EYS: variants seen among roughly 807,000 people sequenced by gnomAD.
EYS encodes the protein EGF-like photoreceptor maintenance factor, also known as protein eyes shut homolog.
EYS carries 250 observed loss-of-function variants against 282.1 expected under a neutral mutation model. That is an observed-to-expected ratio of 0.89 (90% CI 0.80 to 0.98). The LOEUF (loss-of-function observed/expected upper bound fraction) is 0.98, where lower values mean the gene tolerates loss of function less well. EYS is among the 50% of genes least tolerant of loss of function. EYS has a pLI of 0.00. For missense variants in EYS, 4,016 were observed against 3,709.0 expected, an observed-to-expected ratio of 1.08 and a Z score of -2.15; for synonymous variants, 1,355 against 1,282.9, an observed-to-expected ratio of 1.06 and a Z score of -1.20.
intron 19 of EYS, among the ~76,000 whole-genome samples, chr6:64,876,130 T>C (rs557843016): frequency 6.6e-6 from 1 of 152,226 alleles, no homozygotes; most frequent in Admixed American, 6.5e-5. Context: ...TTTTACTTTG[T>C]AATATTACAT....
chr6:64,023,481 T>G (rs142211596), intron 33 of EYS, among the ~76,000 whole-genome samples: 63 of 152,384 alleles, frequency 4.1e-4, no homozygotes, highest in Non-Finnish European at 5.7e-4. Flanking sequence ...TGTACACTTA[T>G]ATTTTACACT....
chr6:64,342,944 C>A (rs1045340891), intron 29 of EYS, among the ~76,000 whole-genome samples: 2 of 151,894 alleles, frequency 1.3e-5, no homozygotes, highest in African/African-American at 4.8e-5. Flanking sequence ...CAACAAACAT[C>A]AAAAGAGACA....
chr6:64,564,443 A>AT (rs960519762), intron 26 of EYS, among the ~76,000 whole-genome samples: 1 of 150,742 alleles, frequency 6.6e-6, no homozygotes, highest in Admixed American at 6.6e-5. Flanking sequence ...ACGCCCAGCT[A>AT]TTTTTTTATT....
chr6:64,238,738 A>G (rs1766691811), intron 30 of EYS, among the ~76,000 whole-genome samples: 1 of 152,004 alleles, frequency 6.6e-6, no homozygotes, highest in South Asian at 2.1e-4. Context: ...ATTATTTCCA[A>G]TTCTTGTATT....
At chr6:65,687,343 C>A (rs113463354) in intron 1 of EYS, among the ~76,000 whole-genome samples, 3 of 151,958 alleles carry the variant, frequency 2.0e-5, no homozygotes, top group Admixed American at 6.6e-5. Flanking sequence ...TGGAAATTTC[C>A]AGCTTTAAAT....
chr6:63,744,976 G>A (rs1562006010), intron 41 of EYS: 2 of 435,188 alleles, frequency 4.6e-6, no homozygotes, highest in African/African-American at 2.1e-5. Context: ...CACCAAAAAT[G>A]TTGGATAAAT....
Position 64,640,561 on chromosome 6 carries a change from G to T in EYS, c.3444-14316C>A, listed in dbSNP as rs572097812. On this transcript the variant is annotated intron_variant, in intron 22 of 42. Transcript: ENST00000503581. ...AGGAAGGGGGTCATCACACTCTGGG[G>T]ACTGTTGTGGGGTGGGGGGAGTGGG... Among the ~76,000 whole-genome samples the T allele has an allele frequency of 2.5e-4, 37 of 150,066 alleles. 1 individual carries two copies. In the South Asian group the frequency reaches 7.5e-3, roughly 31 times the overall value.
chr6:65,676,378 A>G (rs1768597187), intron 1 of EYS, among the ~76,000 whole-genome samples: 1 of 151,914 alleles, frequency 6.6e-6, no homozygotes, highest in African/African-American at 2.4e-5. Context: ...ATAAATTGAG[A>G]CATTACAACT....
intron 31 of EYS, among the ~76,000 whole-genome samples, chr6:64,212,569 CT>C (rs202074925): frequency 0.013 from 1,802 of 143,516 alleles, 29 homozygotes; most frequent in African/African-American, 0.032. Context: ...AGATGGAGTA[CT>C]TTTTTTTTTT....
chr6:64,671,730 T>TA (rs922663822), intron 22 of EYS, among the ~76,000 whole-genome samples: 24 of 151,256 alleles, frequency 1.6e-4, no homozygotes, highest in African/African-American at 2.9e-4. Flanking sequence ...TAATAGAATT[T>TA]AAAAAAAAAC....
Position 65,586,969 on chromosome 6 carries a change from A to G in EYS, c.-333+52809T>C, listed in dbSNP as rs188298223. 3.4e-3 allele frequency among the ~76,000 whole-genome samples: 521 copies of G among 152,220 alleles called. 2 individuals are homozygous for G. Among genetic ancestry groups the G allele is most frequent in the Non-Finnish European group, 4.9e-3 (335 of 68,012 alleles). On this transcript the variant is annotated intron_variant, in intron 2 of 42. Transcript: ENST00000503581. ...AGTTATGGATCACTTAACTCTAAAT[A>G]CATGCTTTTATTTTATTTCCAAAGC...
intron 35 of EYS, among the ~76,000 whole-genome samples, chr6:63,881,061 G>A (rs2149718812): frequency 6.6e-6 from 1 of 151,924 alleles, no homozygotes; most frequent in African/African-American, 2.4e-5. Context: ...TACAATAAAT[G>A]GATAAAAGAA....
chr6:65,362,569 T>TTA (rs1051756975), intron 8 of EYS, among the ~76,000 whole-genome samples: 4 of 151,866 alleles, frequency 2.6e-5, no homozygotes, highest in South Asian at 2.1e-4. Flanking sequence ...TTACACATTA[T>TTA]TATATATATA....
At chr6:63,898,323 C>T (rs939159888) in intron 35 of EYS, among the ~76,000 whole-genome samples, 10 of 151,796 alleles carry the variant, frequency 6.6e-5, no homozygotes, top group Non-Finnish European at 1.0e-4. Flanking sequence ...CCCATTTCTA[C>T]GAAAAATACA....
intron 12 of EYS, among the ~76,000 whole-genome samples, chr6:65,196,282 C>A (rs1765764695): frequency 6.6e-6 from 1 of 151,964 alleles, no homozygotes; most frequent in African/African-American, 2.4e-5. Flanking sequence ...ATACATTATA[C>A]TTTTCATGTA....
chr6:65,471,472 G>C (rs1392047571), intron 5 of EYS, among the ~76,000 whole-genome samples: 1 of 152,070 alleles, frequency 6.6e-6, no homozygotes, highest in African/African-American at 2.4e-5. Context: ...TTCTGGGATT[G>C]TTTTTTATAT....
intron 30 of EYS, among the ~76,000 whole-genome samples, chr6:64,264,329 A>G (rs1020198024): frequency 2.6e-5 from 4 of 152,110 alleles, no homozygotes; most frequent in African/African-American, 9.7e-5. Flanking sequence ...CCTAGGCTTA[A>G]TCAGGTTTCC....
At chr6:64,863,990 G>T (rs1766332746) in intron 19 of EYS, among the ~76,000 whole-genome samples, 1 of 152,092 alleles carries the variant, frequency 6.6e-6, no homozygotes, top group African/African-American at 2.4e-5. Context: ...TTGGAAACTA[G>T]CTTAGAAAGC....
chr6:65,328,110 G>A (rs567100171), intron 11 of EYS, among the ~76,000 whole-genome samples: 4 of 151,488 alleles, frequency 2.6e-5, no homozygotes, highest in South Asian at 2.1e-4. Context: ...TGTGCAATCT[G>A]TGAAAAACGT....
Sources: allele counts gnomAD v4.1 joint callset (sites outside exome capture counted in the v4.1 genomes callset), GRCh38; gene constraint gnomAD v4.1.1; transcripts MANE v1.5; gene names NCBI Gene and HGNC (gene_info 2026-07-23, HGNC 2026-07-21).